Variants in GPM6A observed in about 807,000 individuals in gnomAD.
GPM6A encodes the protein neuronal membrane glycoprotein M6-a.
GPM6A carries 7 observed loss-of-function variants against 32.1 expected under a neutral mutation model. The observed-to-expected ratio is 0.22, with a 90% CI of 0.12 to 0.41. The LOEUF (loss-of-function observed/expected upper bound fraction) is 0.41. Among genes scored for constraint, GPM6A ranks in the 10% least tolerant of loss-of-function variants. The probability of loss-of-function intolerance (pLI) is 1.00; values close to 1 mark genes in which losing one functional copy is unlikely to be tolerated. For synonymous variants in GPM6A, 130 were observed against 123.4 expected, an observed-to-expected ratio of 1.05 and a Z score of -0.35; for missense variants, 235 against 347.2, an observed-to-expected ratio of 0.68 and a Z score of 2.57.
At chr4:175,928,827 A>G (rs1254273421) in intron 1 of GPM6A, among the ~76,000 whole-genome samples, 1 of 152,228 alleles carries the variant, frequency 6.6e-6, no homozygotes, top group East Asian at 1.9e-4. Flanking sequence ...CAAAGTACTC[A>G]GGTTTATCAT....
At chr4:175,753,111 C>T (rs1732401005) in intron 1 of GPM6A, among the ~76,000 whole-genome samples, 2 of 152,128 alleles carry the variant, frequency 1.3e-5, no homozygotes, top group Non-Finnish European at 2.9e-5. Flanking sequence ...TTGTCTGTTA[C>T]AATACATGAA....
At chr4:175,998,907 T>C (rs1741392540) in intron 1 of GPM6A, among the ~76,000 whole-genome samples, 1 of 135,400 alleles carries the variant, frequency 7.4e-6, no homozygotes, top group Admixed American at 8.0e-5. Flanking sequence ...CCCTACCTCC[T>C]ATCATTGCTT....
At chr4:175,899,762 A>C (rs918280331) in intron 1 of GPM6A, among the ~76,000 whole-genome samples, 6 of 145,492 alleles carry the variant, frequency 4.1e-5, no homozygotes, top group Admixed American at 3.7e-4. Context: ...TCCGACAATG[A>C]ATCTACCACA....
chr4:175,735,808 C>G (rs1444091267), intron 1 of GPM6A, among the ~76,000 whole-genome samples: 1 of 152,074 alleles, frequency 6.6e-6, no homozygotes, highest in Non-Finnish European at 1.5e-5. Context: ...GATCTGCCCT[C>G]CTTGGCCTCC....
chr4:175,700,007 CT>C (rs1560882972), intron 2 of GPM6A, among the ~76,000 whole-genome samples: 2 of 152,180 alleles, frequency 1.3e-5, no homozygotes, highest in Non-Finnish European at 2.9e-5. Flanking sequence ...GGATTACAGG[CT>C]TGTGCCACCA....
intron 1 of GPM6A, among the ~76,000 whole-genome samples, chr4:175,868,894 T>G (rs1362596541): frequency 6.6e-6 from 1 of 152,246 alleles, no homozygotes; most frequent in Non-Finnish European, 1.5e-5. Context: ...AAGTGTCAGT[T>G]CAGCTTGATC....
chr4:175,702,727 G>C (rs1259500184), intron 1 of GPM6A, among the ~76,000 whole-genome samples: 3 of 152,190 alleles, frequency 2.0e-5, no homozygotes, highest in African/African-American at 7.2e-5. Flanking sequence ...ATATTGGTCA[G>C]GCTGGTCTCG....
chr4:175,718,122 G>T (rs1745934165), intron 1 of GPM6A, among the ~76,000 whole-genome samples: 1 of 152,098 alleles, frequency 6.6e-6, no homozygotes, highest in Non-Finnish European at 1.5e-5. Flanking sequence ...ATATTCTGTA[G>T]ATTTGTTTTT....
intron 3 of GPM6A, among the ~76,000 whole-genome samples, chr4:175,669,118 G>T (rs936107061): frequency 2.0e-5 from 3 of 152,174 alleles, no homozygotes; most frequent in African/African-American, 7.2e-5. Context: ...AGCATAGTAG[G>T]TATAGTATGG....
intron 1 of GPM6A, among the ~76,000 whole-genome samples, chr4:175,959,706 G>A (rs931093901): frequency 3.3e-5 from 5 of 151,998 alleles, no homozygotes; most frequent in South Asian, 2.1e-4. Flanking sequence ...TGCCTGCCCC[G>A]CTCCACACAC....
chr4:175,817,090 C>A (rs1735128934), upstream of GPM6A, among the ~76,000 whole-genome samples: 1 of 152,136 alleles, frequency 6.6e-6, no homozygotes, highest in South Asian at 2.1e-4. Context: ...GATCTCCTGA[C>A]TTCGTGATCC....
intron 3 of GPM6A, among the ~76,000 whole-genome samples, chr4:175,668,431 A>T (rs1415630497): frequency 6.6e-6 from 1 of 151,842 alleles, no homozygotes; most frequent in Non-Finnish European, 1.5e-5. Flanking sequence ...AAAATCTGGA[A>T]AAAAAAATGA....
chr4:175,835,226 C>G (rs781362637), intron 1 of GPM6A, among the ~76,000 whole-genome samples: 1 of 152,162 alleles, frequency 6.6e-6, no homozygotes, highest in Non-Finnish European at 1.5e-5. Flanking sequence ...ATATCATACA[C>G]TAAGACTAAT....
At chr4:175,698,922 A>G (rs569529526) in intron 2 of GPM6A, among the ~76,000 whole-genome samples, 1 of 152,296 alleles carries the variant, frequency 6.6e-6, no homozygotes, top group African/African-American at 2.4e-5. Flanking sequence ...GTAGATCTCT[A>G]CAATATATGA....
chr4:175,651,873 C>T lies in GPM6A; in HGVS notation c.502G>A (p.Val168Met), dbSNP rs771122871. Reference protein sequence around the residue: ...LWTICRNTTLVEGANLCLDLR... With the variant: ...LWTICRNTTLMEGANLCLDLR... ...TCCAAGCAGAGATTTGCTCCCTCCA[C>T]TAATGTGGTGTTCCGGCAGATGGTC... Residue 168 changes from valine (V) to methionine (M), a missense_variant, in exon 4 of 7, where the codon GTG becomes ATG. Val to Met is a conservative substitution (Grantham distance 21). Coordinates refer to ENST00000393658, the MANE Select transcript of GPM6A (RefSeq NM_201591.3). 2.5e-6 allele frequency: 4 copies of T among 1,613,528 alleles called. No individual in the cohort carries two copies. In the Admixed American group the frequency reaches 6.7e-5, roughly 27 times the overall value.
At position 175,722,620 on chromosome 4, in the gene GPM6A, G is replaced by A. The variant is rs571823144; in HGVS notation, c.38-20853C>T. Among the ~76,000 whole-genome samples the A allele has an allele frequency of 9.2e-5, 14 of 151,768 alleles. No homozygotes were observed. In the South Asian group the frequency reaches 1.0e-3, roughly 11 times the overall value. On this transcript the variant is annotated intron_variant, in intron 1 of 6. Transcript: ENST00000393658. ...CCAACCTGTGAGTGGACCTTTTTCC[G>A]GTGTGGGGTCTCTGACACCTCACCC... is the stretch of plus-strand genomic sequence containing the variant.
chr4:175,917,409 G>T (rs1738527296), intron 1 of GPM6A, among the ~76,000 whole-genome samples: 1 of 152,084 alleles, frequency 6.6e-6, no homozygotes, highest in Non-Finnish European at 1.5e-5. Context: ...ATTTAATGTT[G>T]CAAGAAAAGG....
At chr4:175,701,202 C>T (rs952395614) in intron 2 of GPM6A, among the ~76,000 whole-genome samples, 2 of 152,144 alleles carry the variant, frequency 1.3e-5, no homozygotes, top group Non-Finnish European at 2.9e-5. Context: ...TGGAGCTTTG[C>T]TGATTTTCCT....
At chr4:175,980,920 C>G (rs17062342) in intron 1 of GPM6A, among the ~76,000 whole-genome samples, 3,091 of 152,176 alleles carry the variant, frequency 0.02, 57 homozygotes, top group African/African-American at 0.048. Context: ...CATGCATAAT[C>G]GTTGGCTAAA....
Sources: gnomAD v4.1 joint callset for allele counts (sites outside exome capture counted in the v4.1 genomes callset) on GRCh38, gnomAD v4.1.1 for gene constraint, MANE v1.5 for transcripts, NCBI Gene and HGNC (gene_info 2026-07-23, HGNC 2026-07-21) for gene names.